ANXA10: variants seen among roughly 807,000 people sequenced by gnomAD.
ANXA10 encodes the protein annexin 14.
A neutral mutation model predicts 53.5 loss-of-function variants in ANXA10; 49 were observed. The observed-to-expected ratio is 0.92, with a 90% confidence interval of 0.73 to 1.16. The LOEUF is 1.16. ANXA10 is among the 50% of genes most tolerant of loss of function. ANXA10 has a pLI of 0.00. For synonymous variants in ANXA10, 131 were observed against 128.9 expected (o/e 1.02, Z -0.11); for missense variants, 393 against 394.4 (o/e 1.00, Z 0.03).
chr4:168,157,186 G>C (rs746613214), intron 3 of ANXA10, among the ~76,000 whole-genome samples: 4 of 152,038 alleles, frequency 2.6e-5, no homozygotes, highest in Non-Finnish European at 4.4e-5. Context: ...TCACAATATT[G>C]AGTACAATTT....
intron 3 of ANXA10, among the ~76,000 whole-genome samples, chr4:168,151,794 G>T (rs1330846221): frequency 6.6e-6 from 1 of 152,124 alleles, no homozygotes; most frequent in South Asian, 2.1e-4. Flanking sequence ...ATAATAGCAT[G>T]CTATTCCCAT....
intron 3 of ANXA10, among the ~76,000 whole-genome samples, chr4:168,147,395 C>T (rs113183421): frequency 1.2e-4 from 19 of 152,248 alleles, no homozygotes; most frequent in Non-Finnish European, 2.2e-4. Flanking sequence ...CATCAAGAGG[C>T]GCCTTTGAGA....
chr4:168,161,216 C>A (rs1731777327), intron 3 of ANXA10, among the ~76,000 whole-genome samples: 1 of 152,058 alleles, frequency 6.6e-6, no homozygotes. Flanking sequence ...GTCTTTAATT[C>A]ATCTTGAGTT....
chr4:168,165,456 G>T, intron 6 of ANXA10, 130 bp downstream of exon 6: 1 of 432,302 alleles, frequency 2.3e-6, no homozygotes. Flanking sequence ...ATTCTGTGTA[G>T]TAACATTTAC....
At chr4:168,126,995 C>T (rs1416570654) in intron 1 of ANXA10, among the ~76,000 whole-genome samples, 1 of 152,074 alleles carries the variant, frequency 6.6e-6, no homozygotes, top group Non-Finnish European at 1.5e-5. Context: ...GTCCTGTTCT[C>T]ATTAATTAAT....
chr4:168,162,006 C>T (rs1482345434), intron 3 of ANXA10, among the ~76,000 whole-genome samples: 2 of 151,950 alleles, frequency 1.3e-5, no homozygotes, highest in Non-Finnish European at 2.9e-5. Context: ...GTTTGACTTT[C>T]AATATTTAAA....
chr4:168,178,106 T>C (rs768202403), intron 8 of ANXA10, 123 bp downstream of exon 8: 61 of 832,736 alleles, frequency 7.3e-5, no homozygotes, highest in Non-Finnish European at 1.0e-4. Flanking sequence ...ATCTCAAAGG[T>C]ACTTATTTTG....
chr4:168,184,640 T>C lies in ANXA10; in HGVS notation c.865T>C (p.Tyr289His). 6.2e-7 allele frequency: 1 copy of C among 1,614,114 alleles called. No individual in the cohort carries two copies. The highest frequency in any genetic ancestry group is 8.5e-7 in the Non-Finnish European group (1 of 1,179,988). Residue 289 changes from tyrosine (Y) to histidine (H), a missense_variant, in exon 11 of 12, where the codon TAC becomes CAC. Transcript: ENST00000359299. ...EIDLLTIRKR[Y>H]KERYGKSLFH... is the part of the protein sequence containing the mutation. ...AGACCTGCTGACCATAAGGAAACGA[T>C]ACAAAGAGCGATATGGAAAATCCCT...
intron 3 of ANXA10, among the ~76,000 whole-genome samples, chr4:168,140,032 C>T (rs1053862422): frequency 6.6e-6 from 1 of 152,192 alleles, no homozygotes; most frequent in Non-Finnish European, 1.5e-5. Flanking sequence ...AGTGAATTCT[C>T]TACCAGCTTT....
rs1480347333 is a variant in ANXA10 at position 168,155,786 on chromosome 4, TTATATATAA to T, written c.196-6735_196-6727del. On this transcript the variant is annotated intron_variant, in intron 3 of 11. Transcript: ENST00000359299. ...TATATGATATATCATATATTATATA[TTATATATAA>T]TATATAATATATGATATATTATATA... Among the ~76,000 whole-genome samples the T allele has an allele frequency of 1.6e-3, 31 of 19,078 alleles. 1 individual carries two copies. The highest frequency in any genetic ancestry group is 5.3e-3 in the African/African-American group (19 of 3,612). The allele number at this position is 19,078 out of a possible 152,430, so 12.5% of individuals were successfully genotyped here.
rs1429194533 is a variant in ANXA10, at chr4:168,155,339, TATATA to T, written c.196-7183_196-7179del. 3.2e-3 allele frequency among the ~76,000 whole-genome samples: 402 copies of T among 126,718 alleles called. 1 individual carries two copies. The highest frequency in any genetic ancestry group is 4.8e-3 in the Non-Finnish European group (305 of 63,334). 83.1% of individuals were successfully genotyped at this position (126,718 alleles called of 152,430 possible). A position where few individuals can be genotyped will look rare whatever the true frequency, so the allele number is the denominator to read the frequency against. On this transcript the variant is annotated intron_variant, in intron 3 of 11. Coordinates refer to ENST00000359299, the MANE Select transcript of ANXA10 (RefSeq NM_007193.5). Reference sequence around the variant, plus strand: ...ATATTATATTATATGTATTACATTATATATAATATATTATATATTATATAATGTAT... The same window carrying T: ...ATATTATATTATATGTATTACATTATATATATTATATATTATATAATGTAT...
intron 9 of ANXA10, 70 bp downstream of exon 9, chr4:168,179,382 A>T: frequency 9.3e-7 from 1 of 1,076,292 alleles, no homozygotes. Context: ...GCTCTGATTG[A>T]ACTAAAGATG....
intron 6 of ANXA10, among the ~76,000 whole-genome samples, chr4:168,167,294 G>A (rs917865766): frequency 6.6e-6 from 1 of 152,068 alleles, no homozygotes; most frequent in Non-Finnish European, 1.5e-5. Flanking sequence ...CAAAACTGCT[G>A]CAATTTTCAC....
chr4:168,151,717 G>C (rs866816827), intron 3 of ANXA10, among the ~76,000 whole-genome samples: 2 of 152,212 alleles, frequency 1.3e-5, no homozygotes, highest in African/African-American at 4.8e-5. Context: ...GTAATGTTCA[G>C]TTATTTAAAC....
intron 3 of ANXA10, among the ~76,000 whole-genome samples, chr4:168,153,139 G>T (rs1266454263): frequency 2.6e-5 from 4 of 152,064 alleles, no homozygotes; most frequent in Non-Finnish European, 5.9e-5. Context: ...CCAGCCAGAG[G>T]CTATTATATT....
intron 6 of ANXA10, among the ~76,000 whole-genome samples, chr4:168,173,928 C>T (rs746140896): frequency 2.2e-4 from 34 of 152,258 alleles, no homozygotes; most frequent in Admixed American, 5.2e-4. Context: ...CATACCCCCC[C>T]ATTCTGAGCC....
chr4:168,158,181 G>T (rs1731722496), intron 3 of ANXA10, among the ~76,000 whole-genome samples: 1 of 152,160 alleles, frequency 6.6e-6, no homozygotes, highest in Non-Finnish European at 1.5e-5. Flanking sequence ...TTAGTGTCAT[G>T]ACCAATGTTT....
intron 6 of ANXA10, among the ~76,000 whole-genome samples, chr4:168,170,147 T>C (rs1234614244): frequency 6.6e-6 from 1 of 152,186 alleles, no homozygotes; most frequent in Non-Finnish European, 1.5e-5. Flanking sequence ...TTTGTGTAGA[T>C]ATACATATAT....
chr4:168,156,264 A>AT (rs1731672376), intron 3 of ANXA10, among the ~76,000 whole-genome samples: 1 of 33,368 alleles, frequency 3.0e-5, no homozygotes, highest in South Asian at 1.1e-3. Context: ...TATATAATGT[A>AT]TATATTATAT....
Sources: gnomAD v4.1 joint callset for allele counts (sites outside exome capture counted in the v4.1 genomes callset) on GRCh38, gnomAD v4.1.1 for gene constraint, MANE v1.5 for transcripts, NCBI Gene and HGNC (gene_info 2026-07-23, HGNC 2026-07-21) for gene names.